DNAH17: variants seen among roughly 807,000 people sequenced by gnomAD.
DNAH17 encodes the protein dynein axonemal heavy chain 17.
A neutral mutation model predicts 485.6 loss-of-function variants in DNAH17; 376 were observed. The observed-to-expected ratio is 0.77, with a 90% CI of 0.71 to 0.84. DNAH17 has a LOEUF of 0.84. DNAH17 is among the 40% of genes least tolerant of loss of function. The pLI, the probability that DNAH17 is intolerant of heterozygous loss-of-function variation, is 0.00. For synonymous variants in DNAH17, 3,031 were observed against 2,405.9 expected (o/e 1.26, Z -7.60); for missense variants, 6,370 against 5,839.3 (o/e 1.09, Z -2.96).
intron 44 of DNAH17, among the ~76,000 whole-genome samples, chr17:78,487,636 T>C (rs1359059415): frequency 2.6e-5 from 4 of 152,190 alleles, no homozygotes; most frequent in Non-Finnish European, 5.9e-5. Context: ...GCAATTCTCC[T>C]GTTTCGGCCT....
rs1347686098 is a variant in DNAH17, at chr17:78,571,753, A to AGGAGCAAGTTGTCCAGTGAAGAGG, written c.545_568dup (p.Pro182_Leu189dup). On this transcript the variant is annotated inframe_insertion, in exon 4 of 81. Transcript: ENST00000389840. ...GATGATGGTGGTTTCAATGGCGTGC[A>AGGAGCAAGTTGTCCAGTGAAGAGG]GGAGCAAGTTGTCCAGTGAAGAGGG... The AGGAGCAAGTTGTCCAGTGAAGAGG allele has an allele frequency of 2.5e-6, 4 of 1,604,498 alleles. No individual in the cohort carries two copies. Among genetic ancestry groups the AGGAGCAAGTTGTCCAGTGAAGAGG allele is most frequent in the Non-Finnish European group, 3.4e-6 (4 of 1,174,894 alleles).
At chr17:78,432,689 C>G (rs963766179) in intron 75 of DNAH17, among the ~76,000 whole-genome samples, 45 of 152,218 alleles carry the variant, frequency 3.0e-4, no homozygotes, top group African/African-American at 1.0e-3. Context: ...AGCACGTGTG[C>G]CGTGCATGCC....
chr17:78,523,607 T>C (rs369785775), intron 25 of DNAH17, among the ~76,000 whole-genome samples: 1 of 152,254 alleles, frequency 6.6e-6, no homozygotes, highest in African/African-American at 2.4e-5. Context: ...GATATATAGA[T>C]GTCAAATAAG....
chr17:78,546,239 T>C (rs535961177), intron 16 of DNAH17, among the ~76,000 whole-genome samples: 2 of 152,358 alleles, frequency 1.3e-5, no homozygotes, highest in East Asian at 3.9e-4. Flanking sequence ...AGAACTGCCA[T>C]CTTTTAAAGG....
intron 25 of DNAH17, among the ~76,000 whole-genome samples, chr17:78,524,326 C>T (rs868510431): frequency 6.6e-6 from 1 of 152,122 alleles, no homozygotes; most frequent in East Asian, 1.9e-4. Flanking sequence ...TTCGTAGAGA[C>T]GGGGTTTCAT....
rs1568083620 is a variant in DNAH17 at position 78,459,968 on chromosome 17, G to A, written c.9469C>T (p.Pro3157Ser). 2 of 1,613,242 alleles carry A rather than the reference G, an allele frequency of 1.2e-6. No homozygotes were observed. Among genetic ancestry groups the A allele is most frequent in the Non-Finnish European group, 1.7e-6 (2 of 1,179,882 alleles). ...NLTELKSFGS[P>S]PDAVVNVTAA... ...GTGACGTTGACCACAGCATCCGGCG[G>A]GGACCCAAAGGACTTCAGCTCTGTC... The change falls in exon 60 of 81, where the codon CCG (proline) becomes TCG (serine). Residue 3157 changes from proline to serine, a missense_variant. Coordinates refer to ENST00000389840, the MANE Select transcript of DNAH17 (RefSeq NM_173628.4).
intron 56 of DNAH17, among the ~76,000 whole-genome samples, chr17:78,464,522 A>G (rs557213958): frequency 1.3e-5 from 2 of 152,184 alleles, no homozygotes; most frequent in Admixed American, 6.5e-5. Context: ...TGGCCCCCCA[A>G]AGTGCTGGGA....
intron 68 of DNAH17, chr17:78,449,952 A>T: frequency 2.1e-6 from 1 of 480,204 alleles, no homozygotes; most frequent in East Asian, 3.6e-5. Flanking sequence ...CTGAGATGAC[A>T]GGCATGAGCC....
At position 78,455,606 on chromosome 17, in the gene DNAH17, C is replaced by T. The variant is rs766035530; in HGVS notation, c.10170+38G>A. The T allele has an allele frequency of 4.1e-5, 60 of 1,465,712 alleles. 1 individual carries two copies. The Middle Eastern group carries it at 7.3e-4, about 18-fold the overall frequency. 90.8% of individuals were successfully genotyped at this position (1,465,712 alleles called of 1,614,324 possible). On this transcript the variant is annotated intron_variant, in intron 63 of 80. Coordinates refer to ENST00000389840, the MANE Select transcript of DNAH17 (RefSeq NM_173628.4). ...CCTCCCAAAGTGCTGGCATTACAGG[C>T]GTGAGCCACCGCGCCTGGCCAGGAC...
Position 78,425,612 on chromosome 17 carries a change from A to G in DNAH17, c.12916-41T>C, listed in dbSNP as rs111357101. 7.1e-6 allele frequency: 11 copies of G among 1,542,502 alleles called. No homozygotes were observed. The African/African-American group carries it at 8.2e-5, about 12-fold the overall frequency. On this transcript the variant is annotated intron_variant, in intron 79 of 80. Coordinates refer to ENST00000389840, the MANE Select transcript of DNAH17 (RefSeq NM_173628.4). ...AGCCGCTAGGAGGAGAGGACATAGA[A>G]TGACATGGGAACGACCGGGCCTTGG...
chr17:78,443,266 C>T (rs960202320), intron 71 of DNAH17, among the ~76,000 whole-genome samples: 1 of 152,200 alleles, frequency 6.6e-6, no homozygotes. Flanking sequence ...AAACATGCTG[C>T]ACACTCCCAC....
intron 72 of DNAH17, 53 bp downstream of exon 72, chr17:78,440,998 G>T (rs370016952): frequency 2.6e-6 from 4 of 1,549,976 alleles, no homozygotes; most frequent in African/African-American, 2.7e-5. Context: ...CTGGTGCCTG[G>T]TGATGCTGAC....
Position 78,526,702 on chromosome 17 carries a change from G to A in DNAH17, c.3660C>T (p.Arg1220=), listed in dbSNP as rs61744545. 140,911 of 1,610,458 alleles carry A rather than the reference G, an allele frequency of 0.087. 6,967 individuals carry two copies. Among genetic ancestry groups the A allele is most frequent in the South Asian group, 0.14 (12,762 of 90,810 alleles). Residue 1220 remains arginine, a synonymous_variant, in exon 24 of 81, where the codon CGC becomes CGT. Coordinates refer to ENST00000389840, the MANE Select transcript of DNAH17 (RefSeq NM_173628.4). ...GGTCGCTGAAGGAGAACGGGGCCTC[G>A]CGCCTGAACCTCTCCCTGAACTCAT... ...KQHEFRERFR[R]EAPFSFSDPN...
Position 78,543,882 on chromosome 17 carries a change from C to T in DNAH17, c.2507G>A (p.Gly836Glu). The change falls in exon 17 of 81, where the codon GGA becomes GAA. Residue 836 changes from glycine to glutamate, a missense_variant. Physicochemically the swap from Gly to Glu is moderately conservative, Grantham distance 98. Coordinates refer to ENST00000389840, the MANE Select transcript of DNAH17 (RefSeq NM_173628.4). ...TGCAACCATGGCTTGGATCTTCACT[C>T]CAGCATCCCTGACTGCTGCGTAGCG... ...NKRYAAVRDA[G>E]VKIQAMVAEN... 9.9e-6 allele frequency: 16 copies of T among 1,614,064 alleles called. No individual in the cohort carries two copies. Among genetic ancestry groups the T allele is most frequent in the Non-Finnish European group, 1.4e-5 (16 of 1,179,902 alleles).
At chr17:78,436,956 G>A (rs186661536) in intron 74 of DNAH17, among the ~76,000 whole-genome samples, 2 of 152,306 alleles carry the variant, frequency 1.3e-5, no homozygotes, top group Admixed American at 6.5e-5. Flanking sequence ...AGTCAGGTGA[G>A]GACAGACCCC....
At chr17:78,524,506 A>G (rs4969160) in intron 25 of DNAH17, among the ~76,000 whole-genome samples, 29,250 of 151,980 alleles carry the variant, frequency 0.19, 3,577 homozygotes, top group Middle Eastern at 0.32. Flanking sequence ...CTTCCACCAC[A>G]TGAGGATGCA....
chr17:78,558,339 C>G, intron 13 of DNAH17, 85 bp from the exon 14 acceptor site: 1 of 1,501,432 alleles, frequency 6.7e-7, no homozygotes, highest in Non-Finnish European at 8.9e-7. Context: ...AGCATCTGCC[C>G]TGGGATGTTT....
At chr17:78,501,496 T>C (rs1009757553) in intron 34 of DNAH17, 152 bp from the exon 35 acceptor site, 2 of 1,039,908 alleles carry the variant, frequency 1.9e-6, no homozygotes, top group African/African-American at 3.2e-5. Context: ...TCCAACTGTA[T>C]GGCCACCCTC....
chr17:78,453,453 G>A lies in DNAH17; in HGVS notation c.10419C>T (p.Val3473=), dbSNP rs957861303. Reference sequence around the variant, plus strand: ...CCCCTTCCGAGATGGCCTGCTCGATGACATCCAGGTAGCTGCGGGCACAAC... The same window carrying A: ...CCCCTTCCGAGATGGCCTGCTCGATAACATCCAGGTAGCTGCGGGCACAAC... ...IRLGQKSYLD[V]IEQAISEGDT... Residue 3473 remains valine, a synonymous_variant, in exon 65 of 81, where the codon GTC becomes GTT. Transcript: ENST00000389840. The A allele has an allele frequency of 1.9e-6, 3 of 1,613,930 alleles. No homozygotes were observed. The Admixed American group carries it at 5.0e-5, about 27-fold the overall frequency.
Sources: allele counts gnomAD v4.1 joint callset (sites outside exome capture counted in the v4.1 genomes callset), GRCh38; gene constraint gnomAD v4.1.1; transcripts MANE v1.5; gene names NCBI Gene and HGNC (gene_info 2026-07-23, HGNC 2026-07-21).